Variants in ESR1 observed in about 807,000 individuals in gnomAD.
ESR1 encodes the protein estrogen receptor.
Under a neutral mutation model 52.7 loss-of-function variants are expected in ESR1, and 12 were observed. The observed-to-expected ratio is 0.23, with a 90% CI of 0.15 to 0.37. The LOEUF (loss-of-function observed/expected upper bound fraction) is 0.37. Ranked by LOEUF, ESR1 falls within the 10% of genes least tolerant of loss-of-function variation. The pLI is 1.00. For synonymous variants in ESR1, 305 were observed against 316.8 expected (o/e 0.96, Z 0.39); for missense variants, 584 against 779.7 (o/e 0.75, Z 2.99).
intron 3 of ESR1, among the ~76,000 whole-genome samples, chr6:151,910,041 C>G (rs1027598559): frequency 6.6e-6 from 1 of 151,460 alleles, no homozygotes; most frequent in African/African-American, 2.4e-5. Flanking sequence ...AGATTACATT[C>G]AATTGGCAGT....
chr6:152,028,058 G>A (rs2044309991), intron 5 of ESR1, among the ~76,000 whole-genome samples: 1 of 152,032 alleles, frequency 6.6e-6, no homozygotes, highest in African/African-American at 2.4e-5. Context: ...GCAGGAGAAT[G>A]GCCTGAATCC....
intron 2 of ESR1, among the ~76,000 whole-genome samples, chr6:151,768,008 G>T (rs1256332047): frequency 6.6e-6 from 1 of 152,156 alleles, no homozygotes; most frequent in Non-Finnish European, 1.5e-5. Context: ...CCAGGAAAAA[G>T]GTAAGGTATG....
intron 2 of ESR1, among the ~76,000 whole-genome samples, chr6:151,756,326 C>T (rs1362512402): frequency 6.6e-6 from 1 of 152,154 alleles, no homozygotes; most frequent in Non-Finnish European, 1.5e-5. Context: ...TGGCTCACTG[C>T]AACCTCCACC....
At chr6:151,723,008 T>C (rs1290339976) in intron 2 of ESR1, among the ~76,000 whole-genome samples, 4 of 152,232 alleles carry the variant, frequency 2.6e-5, no homozygotes, top group African/African-American at 9.6e-5. Context: ...AATGGTGTGG[T>C]GGGCACTGAG....
upstream of ESR1, among the ~76,000 whole-genome samples, chr6:151,804,044 T>C (rs185623268): frequency 3.1e-4 from 47 of 151,852 alleles, 1 homozygote; most frequent in East Asian, 8.6e-3. Context: ...GGCTGGAACG[T>C]GTGTGTCCAG....
intron 4 of ESR1, among the ~76,000 whole-genome samples, chr6:151,982,008 A>T (rs1238601296): frequency 6.6e-6 from 1 of 152,250 alleles, no homozygotes; most frequent in Non-Finnish European, 1.5e-5. Context: ...GATCACACAG[A>T]TTCCTTTACA....
chr6:151,686,074 T>TTTTTTTTA (rs1778656444), upstream of ESR1, among the ~76,000 whole-genome samples: 1 of 146,492 alleles, frequency 6.8e-6, no homozygotes, highest in African/African-American at 2.6e-5. Flanking sequence ...ATTTTTTTTT[T>TTTTTTTTA]TTTTTTTTTT....
intron 6 of ESR1, among the ~76,000 whole-genome samples, chr6:152,080,225 G>T (rs1005245730): frequency 1.3e-5 from 2 of 152,110 alleles, no homozygotes; most frequent in African/African-American, 2.4e-5. Context: ...AGGAAAAAAT[G>T]TTAAGGGCAG....
At position 151,944,351 on chromosome 6, in the gene ESR1, C is replaced by A. The variant is rs148773555; in HGVS notation, c.939C>A (p.Asp313Glu). The change falls in exon 4 of 8, where the codon GAC becomes GAA. Residue 313 changes from aspartate to glutamate, a missense_variant. Asp to Glu is a conservative substitution (Grantham distance 45). Coordinates refer to ENST00000206249, the MANE Select transcript of ESR1 (RefSeq NM_000125.4). ...GCCTGGCCTTGTCCCTGACGGCCGA[C>A]CAGATGGTCAGTGCCTTGTTGGATG... ...KNSLALSLTADQMVSALLDAE... is the reference protein window; with the variant it reads ...KNSLALSLTAEQMVSALLDAE... 2.2e-5 allele frequency: 35 copies of A among 1,613,880 alleles called. No individual in the cohort carries two copies. In the African/African-American group the frequency reaches 3.1e-4, roughly 14 times the overall value.
At chr6:151,993,806 C>G (rs140722368) in intron 4 of ESR1, among the ~76,000 whole-genome samples, 1 of 152,134 alleles carries the variant, frequency 6.6e-6, no homozygotes, top group Non-Finnish European at 1.5e-5. Context: ...CACACGGCTT[C>G]TTAGTGGAGA....
rs754039221 is a variant in ESR1, at chr6:152,094,619, C to T, written c.1553+51C>T. The T allele has an allele frequency of 6.4e-7, 1 of 1,568,030 alleles. No homozygotes were observed. Among genetic ancestry groups the T allele is most frequent in the Non-Finnish European group, 8.7e-7 (1 of 1,146,680 alleles). ...GGAGAGACATAAAGAAAACATGCCC[C>T]CAAACCTATGTGACAGCTGGCCGGG... is the stretch of plus-strand genomic sequence containing the variant. On this transcript the variant is annotated intron_variant, in intron 7 of 7. Transcript: ENST00000206249. The surrounding 1 kb of genome is among the most constrained non-coding windows in gnomAD (Gnocchi z 4.6).
chr6:151,856,303 G>A (rs988085840), intron 2 of ESR1, among the ~76,000 whole-genome samples: 2 of 152,136 alleles, frequency 1.3e-5, no homozygotes, highest in Non-Finnish European at 2.9e-5. Context: ...CTAGTCCCAA[G>A]CTACAATTTA....
chr6:151,859,412 T>G (rs1264018379), intron 2 of ESR1, among the ~76,000 whole-genome samples: 1 of 150,822 alleles, frequency 6.6e-6, no homozygotes, highest in Non-Finnish European at 1.5e-5. Flanking sequence ...AAAATCCAAT[T>G]CAAACTAGCT....
intron 3 of ESR1, among the ~76,000 whole-genome samples, chr6:151,888,619 C>T (rs1286972262): frequency 2.6e-5 from 4 of 152,122 alleles, no homozygotes; most frequent in African/African-American, 4.8e-5. Context: ...TCAGCAAACA[C>T]GGGCAATTTA....
intron 4 of ESR1, among the ~76,000 whole-genome samples, chr6:151,968,336 A>C (rs1033297639): frequency 1.3e-5 from 2 of 152,232 alleles, no homozygotes; most frequent in Admixed American, 1.3e-4. Flanking sequence ...AAACCTAGGC[A>C]GTACAATTCA....
chr6:152,094,920 A>G lies in ESR1; in HGVS notation c.1553+352A>G, dbSNP rs189631625. ...CACATCCCCTGAAGACACTGGGTAC[A>G]TCTGTTATGGTCCCTGTGTACACTC... On this transcript the variant is annotated intron_variant, in intron 7 of 7. Transcript: ENST00000206249. The surrounding 1 kb of genome is among the most constrained non-coding windows in gnomAD (Gnocchi z 4.6). 6.6e-5 allele frequency among the ~76,000 whole-genome samples: 10 copies of G among 152,312 alleles called. 1 individual carries two copies. The highest frequency in any genetic ancestry group is 6.2e-4 in the South Asian group (3 of 4,824).
intron 5 of ESR1, among the ~76,000 whole-genome samples, chr6:152,037,062 T>C (rs975165396): frequency 6.6e-6 from 1 of 152,216 alleles, no homozygotes; most frequent in African/African-American, 2.4e-5. Flanking sequence ...GCTGATGAGA[T>C]GGTAGGATTA....
intron 2 of ESR1, among the ~76,000 whole-genome samples, chr6:151,736,433 C>T (rs118137979): frequency 6.2e-4 from 79 of 128,130 alleles, no homozygotes; most frequent in African/African-American, 2.3e-3. Flanking sequence ...AGTGTGGTGG[C>T]GTGATCTTGG....
intron 2 of ESR1, among the ~76,000 whole-genome samples, chr6:151,790,396 C>T (rs1294154700): frequency 6.6e-6 from 1 of 152,210 alleles, no homozygotes; most frequent in Non-Finnish European, 1.5e-5. Context: ...ATCAATACTT[C>T]CAAGGGTTTT....
Sources: gnomAD v4.1 joint callset for allele counts (sites outside exome capture counted in the v4.1 genomes callset) on GRCh38, gnomAD v4.1.1 for gene constraint, Gnocchi (gnomAD v3.1) non-coding constraint, MANE v1.5 for transcripts, NCBI Gene and HGNC (gene_info 2026-07-23, HGNC 2026-07-21) for gene names.